C19orf47: variants seen among roughly 807,000 people sequenced by gnomAD.
C19orf47 encodes the protein chromosome 19 open reading frame 47, also known as uncharacterized protein C19orf47.
C19orf47 carries 18 observed loss-of-function variants against 32.3 expected under a neutral mutation model. The observed-to-expected ratio is 0.56, with a 90% CI of 0.39 to 0.83. The LOEUF (loss-of-function observed/expected upper bound fraction) is 0.83. Among genes scored for constraint, C19orf47 ranks in the 40% least tolerant of loss-of-function variants. The probability of loss-of-function intolerance (pLI) is 0.00; values close to 1 mark genes in which losing one functional copy is unlikely to be tolerated. For missense variants in C19orf47, 484 were observed against 531.6 expected, an observed-to-expected ratio of 0.91 and a Z score of 0.88; for synonymous variants, 202 against 211.1, an observed-to-expected ratio of 0.96 and a Z score of 0.37.
At chr19:40,334,513 C>T (rs1054115838) in intron 4 of C19orf47, among the ~76,000 whole-genome samples, 1 of 151,918 alleles carries the variant, frequency 6.6e-6, no homozygotes, top group South Asian at 2.1e-4. Flanking sequence ...TTTGAGAGGC[C>T]GGGGCAGGTG....
chr19:40,328,359 T>C, intron 6 of C19orf47, 54 bp downstream of exon 6: 1 of 1,601,390 alleles, frequency 6.2e-7, no homozygotes, highest in South Asian at 1.1e-5. Flanking sequence ...CAACACCTCC[T>C]ACCAACCCAC....
chr19:40,328,619 G>T, intron 5 of C19orf47, 69 bp from the exon 6 acceptor site: 2 of 1,521,848 alleles, frequency 1.3e-6, no homozygotes, highest in Non-Finnish European at 8.8e-7. Flanking sequence ...AGCAGTCTCA[G>T]GGTCAGGATG....
the C19orf47 span, among the ~76,000 whole-genome samples, chr19:40,305,456 A>G: frequency 6.6e-6 from 1 of 152,204 alleles, no homozygotes. Context: ...CAAGAAGAGA[A>G]AAATTTCACA....
At chr19:40,317,729 T>C (rs935293028), downstream of C19orf47, among the ~76,000 whole-genome samples, 1 of 144,452 alleles carries the variant, frequency 6.9e-6, no homozygotes, top group Non-Finnish European at 1.5e-5. Flanking sequence ...TTTTTTTTTG[T>C]TTTTTTTTTT....
Position 40,322,079 on chromosome 19 carries a change from C to A in C19orf47, c.961G>T (p.Ala321Ser). 1 of 1,614,200 alleles carries A rather than the reference C, an allele frequency of 6.2e-7. No homozygotes were observed. The highest frequency in any genetic ancestry group is 8.5e-7 in the Non-Finnish European group (1 of 1,180,038). ...SKVSIIKRLGAAALVPEAQDS... is the reference protein window; with the variant it reads ...SKVSIIKRLGSAALVPEAQDS... The stretch of plus-strand genomic sequence containing the variant: ...TGGGCCTCGGGCACAAGGGCAGCTG[C>A]GCCCAGTCTCTTGATGATGCTGACT... Residue 321 changes from alanine (A) to serine (S), a missense_variant, in exon 9 of 9, where the codon GCA becomes TCA. By Grantham distance (99) the Ala-to-Ser change is moderately conservative (BLOSUM62 1). This residue lies in a region of C19orf47 where 376 missense variants were observed against 370.2 expected (regional missense o/e 1.02). Transcript: ENST00000683109.
intron 3 of C19orf47, 38 bp downstream of exon 3, chr19:40,336,282 G>A (rs748197610): frequency 8.6e-5 from 139 of 1,612,932 alleles, no homozygotes; most frequent in Non-Finnish European, 1.1e-4. Context: ...GGGCCAGCCA[G>A]CTCCCCACCA....
intron 1 of C19orf47, among the ~76,000 whole-genome samples, chr19:40,344,475 T>A (rs752346567): frequency 6.6e-6 from 1 of 151,752 alleles, no homozygotes; most frequent in Non-Finnish European, 1.5e-5. Flanking sequence ...CAAGACTCTG[T>A]CTCAAAAAAT....
At chr19:40,311,098 C>T in the C19orf47 span, among the ~76,000 whole-genome samples, 4 of 151,854 alleles carry the variant, frequency 2.6e-5, no homozygotes, top group South Asian at 2.1e-4. Flanking sequence ...AAAATTGGGC[C>T]GGGTGCAGTG....
chr19:40,293,908 C>G, the C19orf47 span, among the ~76,000 whole-genome samples: 1 of 151,932 alleles, frequency 6.6e-6, no homozygotes, highest in African/African-American at 2.4e-5. Flanking sequence ...ATCACGAGGT[C>G]AGGAGTTAGT....
the C19orf47 span, among the ~76,000 whole-genome samples, chr19:40,304,469 C>T: frequency 5.3e-5 from 8 of 152,124 alleles, no homozygotes; most frequent in East Asian, 1.9e-4. Context: ...GTTGGCACCA[C>T]GCCCAGATCT....
At chr19:40,340,809 T>C (rs575305674) in intron 2 of C19orf47, among the ~76,000 whole-genome samples, 1 of 151,438 alleles carries the variant, frequency 6.6e-6, no homozygotes, top group Non-Finnish European at 1.5e-5. Flanking sequence ...TGAAACCCCA[T>C]CTCTACAAAA....
At chr19:40,346,031 C>G (rs2078270106) in intron 1 of C19orf47, among the ~76,000 whole-genome samples, 2 of 151,412 alleles carry the variant, frequency 1.3e-5, no homozygotes, top group African/African-American at 4.9e-5. Context: ...TGGCAGGCAC[C>G]TGTAATCCCA....
At chr19:40,346,818 G>A (rs2078303994) in intron 1 of C19orf47, among the ~76,000 whole-genome samples, 2 of 152,086 alleles carry the variant, frequency 1.3e-5, no homozygotes, top group Non-Finnish European at 2.9e-5. Context: ...GAGCCACCAC[G>A]CCCAGCCAAG....
intron 1 of C19orf47, among the ~76,000 whole-genome samples, chr19:40,344,857 G>A (rs1568629628): frequency 6.6e-6 from 1 of 152,072 alleles, no homozygotes; most frequent in Non-Finnish European, 1.5e-5. Flanking sequence ...AACCACCCTC[G>A]GAAAGTTACA....
the C19orf47 span, among the ~76,000 whole-genome samples, chr19:40,302,372 C>T: frequency 1.3e-5 from 2 of 152,122 alleles, no homozygotes; most frequent in African/African-American, 4.8e-5. Flanking sequence ...TCAGATGATC[C>T]TTCTGAGGTC....
Position 40,348,334 on chromosome 19 carries a change from G to C in C19orf47, c.-44C>G, listed in dbSNP as rs1211682425. On this transcript the variant is annotated 5_prime_UTR_variant, in exon 1 of 9. Transcript: ENST00000683109. Reference sequence around the variant, plus strand: ...CGGCCCGCGCCTCACCTGGCCCACCGGGCCCGCGCCCACTCGCGCCGCCCG... The same window carrying C: ...CGGCCCGCGCCTCACCTGGCCCACCCGGCCCGCGCCCACTCGCGCCGCCCG... The C allele has an allele frequency of 6.2e-6, 8 of 1,291,826 alleles. No homozygotes were observed. The highest frequency in any genetic ancestry group is 8.0e-5 in the Admixed American group (2 of 25,018). The allele number at this position is 1,291,826 out of a possible 1,614,324, so 80.0% of individuals were successfully genotyped here.
chr19:40,346,297 G>A (rs1344628813), intron 1 of C19orf47, among the ~76,000 whole-genome samples: 2 of 149,700 alleles, frequency 1.3e-5, no homozygotes, highest in Middle Eastern at 3.4e-3. Context: ...ACAAAAATTA[G>A]CCAGGCGTGG....
chr19:40,328,663 C>A, intron 5 of C19orf47, 113 bp from the exon 6 acceptor site: 1 of 1,364,336 alleles, frequency 7.3e-7, no homozygotes, highest in South Asian at 1.5e-5. Context: ...ATGAGAAGGT[C>A]AGCGGGTATC....
At position 40,333,933 on chromosome 19, in the gene C19orf47, T is replaced by C. The variant is rs979921610; in HGVS notation, c.223-4A>G. ...CAGTGGCAGCTTTGCACATGTCCTG[T>C]GAAAAAAGAACAGGCACCTGGGTCA... On this transcript the variant is annotated splice_region_variant and splice_polypyrimidine_tract_variant and intron_variant, in intron 4 of 8. Coordinates refer to ENST00000683109, the MANE Select transcript of C19orf47 (RefSeq NM_001256441.2). 27 of 1,557,600 alleles carry C rather than the reference T, an allele frequency of 1.7e-5. No individual in the cohort carries two copies. The highest frequency in any genetic ancestry group is 2.0e-5 in the Non-Finnish European group (23 of 1,150,348).
Sources: gnomAD v4.1 joint callset for allele counts (sites outside exome capture counted in the v4.1 genomes callset) on GRCh38, gnomAD v4.1.1 for gene constraint, gnomAD v4.1.1 regional missense constraint, MANE v1.5 for transcripts, NCBI Gene and HGNC (gene_info 2026-07-23, HGNC 2026-07-21) for gene names.